SNX4: variants seen among roughly 807,000 people sequenced by gnomAD.
The protein encoded by SNX4 is sorting nexin-4.
SNX4 carries 49 observed loss-of-function variants against 70.8 expected under a neutral mutation model. The observed-to-expected ratio is 0.69, with a 90% CI of 0.55 to 0.88. SNX4 has a LOEUF of 0.88. SNX4 is among the 40% of genes least tolerant of loss of function. The pLI is 0.00. For missense variants in SNX4, 528 were observed against 544.8 expected, an observed-to-expected ratio of 0.97 and a Z score of 0.31; for synonymous variants, 206 against 183.8, an observed-to-expected ratio of 1.12 and a Z score of -0.98.
chr3:125,484,128 C>T (rs939073305), intron 6 of SNX4, among the ~76,000 whole-genome samples: 19 of 152,182 alleles, frequency 1.2e-4, no homozygotes, highest in African/African-American at 4.3e-4. Context: ...TAAATGCAGA[C>T]TCTGATAAGA....
At chr3:125,450,919 T>C (rs537944221) in intron 13 of SNX4, among the ~76,000 whole-genome samples, 1 of 152,112 alleles carries the variant, frequency 6.6e-6, no homozygotes, top group Non-Finnish European at 1.5e-5. Context: ...TAAATGGAGA[T>C]ACAAATTTGG....
chr3:125,508,282 A>G (rs1240460965), intron 1 of SNX4, among the ~76,000 whole-genome samples: 2 of 152,194 alleles, frequency 1.3e-5, no homozygotes, highest in Admixed American at 1.3e-4. Context: ...AAAATGAAGC[A>G]TAAGGCCAGG....
At chr3:125,495,283 T>TACACAC (rs202219407) in intron 5 of SNX4, among the ~76,000 whole-genome samples, 7 of 87,804 alleles carry the variant, frequency 8.0e-5, no homozygotes, top group African/African-American at 1.9e-4. Context: ...TATATACACA[T>TACACAC]ACACACACAC....
chr3:125,512,459 A>G (rs555128071), intron 1 of SNX4, among the ~76,000 whole-genome samples: 15 of 152,348 alleles, frequency 9.8e-5, no homozygotes, highest in Non-Finnish European at 1.5e-4. Context: ...ACAGGCACAC[A>G]ACAATAATAC....
chr3:125,516,538 C>A (rs938435587), intron 1 of SNX4, among the ~76,000 whole-genome samples: 11 of 152,140 alleles, frequency 7.2e-5, no homozygotes, highest in African/African-American at 2.4e-4. Flanking sequence ...CTCTTAAAAT[C>A]TGCAGTCAAA....
intron 9 of SNX4, among the ~76,000 whole-genome samples, chr3:125,461,853 G>A (rs1221187283): frequency 2.0e-5 from 3 of 152,046 alleles, no homozygotes; most frequent in Admixed American, 1.3e-4. Flanking sequence ...AGTAGAGAAG[G>A]GGTTTCACCG....
intron 5 of SNX4, among the ~76,000 whole-genome samples, chr3:125,495,735 TA>T (rs1934779803): frequency 1.3e-5 from 2 of 152,200 alleles, no homozygotes; most frequent in African/African-American, 4.8e-5. Flanking sequence ...AACTGATAAC[TA>T]TTAACTGCAG....
chr3:125,485,041 T>C (rs970206387), intron 6 of SNX4, among the ~76,000 whole-genome samples: 1 of 151,522 alleles, frequency 6.6e-6, no homozygotes, highest in African/African-American at 2.4e-5. Flanking sequence ...CACTCCAGCT[T>C]GGCGAGAGTG....
intron 2 of SNX4, among the ~76,000 whole-genome samples, chr3:125,499,636 G>T (rs1934880612): frequency 6.6e-6 from 1 of 151,822 alleles, no homozygotes; most frequent in Non-Finnish European, 1.5e-5. Flanking sequence ...AAAATACTTG[G>T]GTTAATCTCA....
chr3:125,478,548 G>A (rs967956064), intron 7 of SNX4, among the ~76,000 whole-genome samples: 2 of 151,808 alleles, frequency 1.3e-5, no homozygotes, highest in African/African-American at 4.8e-5. Context: ...CTGCTCAAGG[G>A]AGATACGGTT....
At chr3:125,508,973 C>T (rs1935107690) in intron 1 of SNX4, among the ~76,000 whole-genome samples, 1 of 152,104 alleles carries the variant, frequency 6.6e-6, no homozygotes, top group African/African-American at 2.4e-5. Context: ...ACCAAAGGCA[C>T]AGGCAGTAAA....
intron 10 of SNX4, among the ~76,000 whole-genome samples, chr3:125,458,583 G>C (rs999305508): frequency 6.6e-6 from 1 of 151,902 alleles, no homozygotes; most frequent in Non-Finnish European, 1.5e-5. Context: ...TTGGGAGGCC[G>C]AGGCGGGTGG....
At chr3:125,451,444 T>C (rs1204130038) in intron 12 of SNX4, 25 bp from the exon 13 acceptor site, 2 of 1,520,010 alleles carry the variant, frequency 1.3e-6, no homozygotes, top group Admixed American at 1.7e-5. Context: ...ATAGCCATTA[T>C]TATTATTTAA....
At chr3:125,489,989 T>C (rs1004604247) in intron 5 of SNX4, among the ~76,000 whole-genome samples, 5 of 151,838 alleles carry the variant, frequency 3.3e-5, no homozygotes, top group Non-Finnish European at 7.4e-5. Context: ...ATTAACTGGG[T>C]GTGATGGCGC....
At chr3:125,452,821 G>A (rs539869325) in intron 12 of SNX4, among the ~76,000 whole-genome samples, 2 of 152,128 alleles carry the variant, frequency 1.3e-5, no homozygotes, top group Non-Finnish European at 2.9e-5. Flanking sequence ...GTTTCAGCAT[G>A]TTAGCCAGGA....
Position 125,460,861 on chromosome 3 carries a change from C to T in SNX4, c.855-1G>A. ...AATATCATCAATAGAAGATGCATAC[C>T]TGTTTTAAAAAAAAAAACACACATT... On this transcript the variant is annotated splice_acceptor_variant, in intron 9 of 13. Transcript: ENST00000251775. LOFTEE classifies it high-confidence loss of function. The T allele has an allele frequency of 2.8e-6, 4 of 1,419,554 alleles. No individual in the cohort carries two copies. Among genetic ancestry groups the T allele is most frequent in the Non-Finnish European group, 3.9e-6 (4 of 1,038,632 alleles). 87.9% of individuals were successfully genotyped at this position (1,419,554 alleles called of 1,614,324 possible).
At chr3:125,490,822 C>G (rs1403915076) in intron 5 of SNX4, among the ~76,000 whole-genome samples, 1 of 151,378 alleles carries the variant, frequency 6.6e-6, no homozygotes, top group Non-Finnish European at 1.5e-5. Flanking sequence ...CTTTTCTAAC[C>G]AAGGTAGAAG....
chr3:125,506,198 A>C (rs570800323), intron 1 of SNX4, among the ~76,000 whole-genome samples: 1 of 152,302 alleles, frequency 6.6e-6, no homozygotes, highest in South Asian at 2.1e-4. Context: ...CCTAGTTTTC[A>C]ACAACAACAA....
At chr3:125,485,721 T>G (rs1241907898) in intron 6 of SNX4, among the ~76,000 whole-genome samples, 1 of 152,178 alleles carries the variant, frequency 6.6e-6, no homozygotes, top group African/African-American at 2.4e-5. Flanking sequence ...TTACCTAAGA[T>G]AAAGCCCTGA....
Sources: allele counts gnomAD v4.1 joint callset (sites outside exome capture counted in the v4.1 genomes callset), GRCh38; gene constraint gnomAD v4.1.1; transcripts MANE v1.5; gene names NCBI Gene and HGNC (gene_info 2026-07-23, HGNC 2026-07-21).